Variants in PPP1R1C observed in about 807,000 individuals in gnomAD.
PPP1R1C encodes the protein protein phosphatase 1 regulatory inhibitor subunit 1C.
Under a neutral mutation model 17.4 loss-of-function variants are expected in PPP1R1C, and 15 were observed. The observed-to-expected ratio is 0.86, with a 90% confidence interval of 0.58 to 1.33. The LOEUF is 1.33. Ranked by LOEUF, PPP1R1C falls within the 40% of genes most tolerant of loss-of-function variation. The pLI is 0.00. For synonymous variants in PPP1R1C, 35 were observed against 43.1 expected (o/e 0.81, Z 0.73); for missense variants, 143 against 130.0 (o/e 1.10, Z -0.48).
At chr2:182,128,563 T>A (rs1220145455) in intron 5 of PPP1R1C, among the ~76,000 whole-genome samples, 1 of 152,120 alleles carries the variant, frequency 6.6e-6, no homozygotes, top group Admixed American at 6.6e-5. Context: ...AGAAATGATA[T>A]CTGTGTGCTT....
Position 181,986,088 on chromosome 2 carries a change from TCTGA to T in PPP1R1C, c.-20_-17del. 1 of 1,599,512 alleles carries T rather than the reference TCTGA, an allele frequency of 6.3e-7. No homozygotes were observed. The highest frequency in any genetic ancestry group is 8.6e-7 in the Non-Finnish European group (1 of 1,166,678). On this transcript the variant is annotated 5_prime_UTR_variant, in exon 1 of 5. Coordinates refer to ENST00000682840, the MANE Select transcript of PPP1R1C (RefSeq NM_001080545.3). Reference sequence around the variant, plus strand: ...TTAGTCTTTCTGAGCTCTTCACATCTCTGACTAATTATCATCATTACCATGGAGC... The same window carrying T: ...TTAGTCTTTCTGAGCTCTTCACATCTCTAATTATCATCATTACCATGGAGC...
At chr2:182,054,210 A>G (rs191407776) in intron 2 of PPP1R1C, among the ~76,000 whole-genome samples, 9 of 152,320 alleles carry the variant, frequency 5.9e-5, no homozygotes, top group African/African-American at 2.2e-4. Flanking sequence ...ATTCACAGAA[A>G]GTTTTAAACA....
intron 2 of PPP1R1C, among the ~76,000 whole-genome samples, chr2:181,978,519 C>T (rs1468336167): frequency 6.6e-6 from 1 of 152,188 alleles, no homozygotes; most frequent in East Asian, 1.9e-4. Flanking sequence ...AAATGACTCA[C>T]AGGTCAGGCT....
intron 4 of PPP1R1C, among the ~76,000 whole-genome samples, chr2:182,091,427 G>A (rs977594929): frequency 2.0e-4 from 31 of 151,676 alleles, no homozygotes; most frequent in Admixed American, 5.9e-4. Context: ...GTGAACAGGC[G>A]GTGAGAAAGA....
At chr2:181,996,007 A>T (rs892911907) in intron 2 of PPP1R1C, among the ~76,000 whole-genome samples, 4 of 152,302 alleles carry the variant, frequency 2.6e-5, no homozygotes, top group Non-Finnish European at 4.4e-5. Context: ...GTCTACTTGG[A>T]GAACACAAGC....
intron 5 of PPP1R1C, among the ~76,000 whole-genome samples, chr2:182,124,454 G>C (rs552861142): frequency 6.7e-6 from 1 of 148,630 alleles, no homozygotes; most frequent in East Asian, 2.1e-4. Context: ...GGATCTTGAT[G>C]GGAATAGCAT....
chr2:181,980,006 A>G (rs534948769), intron 2 of PPP1R1C, among the ~76,000 whole-genome samples: 2 of 151,082 alleles, frequency 1.3e-5, no homozygotes, highest in South Asian at 4.2e-4. Flanking sequence ...ACTTCCTATA[A>G]CTCCTTTTGA....
At chr2:182,092,915 G>A (rs954245616) in intron 4 of PPP1R1C, among the ~76,000 whole-genome samples, 6 of 152,168 alleles carry the variant, frequency 3.9e-5, no homozygotes, top group African/African-American at 1.2e-4. Flanking sequence ...GGTGCACAAT[G>A]CAAGCTGTCA....
chr2:182,083,743 T>C (rs1011197619), intron 4 of PPP1R1C, among the ~76,000 whole-genome samples: 14 of 152,284 alleles, frequency 9.2e-5, no homozygotes, highest in Admixed American at 3.3e-4. Flanking sequence ...CAGGTGTCTT[T>C]TTGCTATAAT....
At chr2:182,090,834 A>C (rs995552998) in intron 4 of PPP1R1C, among the ~76,000 whole-genome samples, 1 of 152,214 alleles carries the variant, frequency 6.6e-6, no homozygotes, top group Admixed American at 6.5e-5. Flanking sequence ...TTCTCCATTT[A>C]CACATGTACA....
downstream of PPP1R1C, among the ~76,000 whole-genome samples, chr2:182,118,296 A>G (rs1233347990): frequency 6.6e-6 from 1 of 152,174 alleles, no homozygotes; most frequent in Non-Finnish European, 1.5e-5. Context: ...AAGATTTTAT[A>G]TGACAGTGTA....
chr2:182,091,298 G>A (rs995895000), intron 4 of PPP1R1C, among the ~76,000 whole-genome samples: 26 of 152,108 alleles, frequency 1.7e-4, no homozygotes, highest in African/African-American at 6.0e-4. Context: ...GGCAAAGACT[G>A]AAATATGATG....
At chr2:182,109,255 G>A (rs770587061) in intron 4 of PPP1R1C, among the ~76,000 whole-genome samples, 1 of 151,990 alleles carries the variant, frequency 6.6e-6, no homozygotes, top group Non-Finnish European at 1.5e-5. Context: ...CCTTTTATCA[G>A]GTGTGTCTTT....
At chr2:182,064,745 A>G (rs1289563842) in intron 4 of PPP1R1C, among the ~76,000 whole-genome samples, 2 of 151,926 alleles carry the variant, frequency 1.3e-5, no homozygotes, top group Admixed American at 1.3e-4. Flanking sequence ...TAATACAATC[A>G]TCAGCATTGT....
chr2:181,959,302 C>T (rs887026356), intron 1 of PPP1R1C, among the ~76,000 whole-genome samples: 1 of 152,186 alleles, frequency 6.6e-6, no homozygotes, highest in Non-Finnish European at 1.5e-5. Flanking sequence ...ACTCTCCCCA[C>T]ACATATGCTA....
chr2:182,059,305 G>C (rs1447178417), intron 2 of PPP1R1C, among the ~76,000 whole-genome samples: 3 of 152,016 alleles, frequency 2.0e-5, no homozygotes, highest in Non-Finnish European at 4.4e-5. Flanking sequence ...TATAGTTTTT[G>C]ATTATGGGTA....
intron 2 of PPP1R1C, among the ~76,000 whole-genome samples, chr2:182,006,529 A>G (rs1685929511): frequency 6.6e-6 from 1 of 152,232 alleles, no homozygotes; most frequent in Non-Finnish European, 1.5e-5. Flanking sequence ...CCCGAAGGAT[A>G]AGTGTTGCTG....
chr2:182,071,568 A>G (rs1688140971), intron 4 of PPP1R1C, among the ~76,000 whole-genome samples: 1 of 152,124 alleles, frequency 6.6e-6, no homozygotes, highest in South Asian at 2.1e-4. Flanking sequence ...TACTCTTTGG[A>G]AGGAAGTCAC....
At chr2:182,026,496 G>A (rs1686616183) in intron 2 of PPP1R1C, among the ~76,000 whole-genome samples, 1 of 141,992 alleles carries the variant, frequency 7.0e-6, no homozygotes, top group South Asian at 2.5e-4. Flanking sequence ...TTTTTGTCAG[G>A]TTTGTCAAAG....
Sources: allele counts gnomAD v4.1 joint callset (sites outside exome capture counted in the v4.1 genomes callset), GRCh38; gene constraint gnomAD v4.1.1; transcripts MANE v1.5; gene names NCBI Gene and HGNC (gene_info 2026-07-23, HGNC 2026-07-21).